The following CNTN4 variants were observed in gnomAD, a reference collection of about 807,000 sequenced individuals.
CNTN4 encodes the protein contactin-4.
CNTN4 carries 77 observed loss-of-function variants against 122.5 expected under a neutral mutation model. That is an observed-to-expected ratio of 0.63 (90% CI 0.52 to 0.76). CNTN4 has a LOEUF of 0.76. Ranked by LOEUF, CNTN4 falls within the 30% of genes least tolerant of loss-of-function variation. The probability of loss-of-function intolerance (pLI) is 0.00; values close to 1 mark genes in which losing one functional copy is unlikely to be tolerated. For missense variants in CNTN4, 1,256 were observed against 1,259.1 expected (o/e 1.00, Z 0.04); for synonymous variants, 512 against 447.0 (o/e 1.15, Z -1.83).
chr3:2,765,615 A>G (rs1396511885), intron 6 of CNTN4, among the ~76,000 whole-genome samples: 2 of 152,174 alleles, frequency 1.3e-5, no homozygotes, highest in African/African-American at 2.4e-5. Flanking sequence ...TGGGATAGCT[A>G]TAATTAGATA....
At chr3:2,289,747 C>T (rs944400065) in intron 2 of CNTN4, among the ~76,000 whole-genome samples, 1 of 152,128 alleles carries the variant, frequency 6.6e-6, no homozygotes, top group South Asian at 2.1e-4. Flanking sequence ...AATTTAGAGG[C>T]TTCTTGCAAC....
At chr3:2,747,192 G>A (rs1003477244) in intron 6 of CNTN4, among the ~76,000 whole-genome samples, 5 of 151,890 alleles carry the variant, frequency 3.3e-5, no homozygotes, top group Admixed American at 6.6e-5. Context: ...GGCGGATCAC[G>A]AGGTCAGGAG....
At position 2,175,211 on chromosome 3, in the gene CNTN4, C is replaced by T. The variant is rs563426889; in HGVS notation, c.-145+74572C>T. On this transcript the variant is annotated intron_variant, in intron 2 of 24. Transcript: ENST00000418658. ...TCACTGTCCTATTTTAGGAAACTTG[C>T]AAATGTTCATTAGTCTCCTAAACCT... Among the ~76,000 whole-genome samples the T allele has an allele frequency of 9.9e-5, 15 of 152,200 alleles. No individual in the cohort carries two copies. In the South Asian group the frequency reaches 3.1e-3, roughly 32 times the overall value.
intron 13 of CNTN4, chr3:2,927,398 C>T (rs1457071698): frequency 2.2e-6 from 1 of 446,188 alleles, no homozygotes; most frequent in Non-Finnish European, 4.5e-6. Flanking sequence ...AAGAGCCAAA[C>T]ATGCATGGGT....
intron 3 of CNTN4, among the ~76,000 whole-genome samples, chr3:2,516,238 G>A (rs1323773102): frequency 6.6e-6 from 1 of 152,004 alleles, no homozygotes; most frequent in Non-Finnish European, 1.5e-5. Context: ...ATAAAACTGA[G>A]TAGATATCCT....
intron 2 of CNTN4, among the ~76,000 whole-genome samples, chr3:2,276,386 C>A (rs2041512231): frequency 6.6e-6 from 1 of 152,024 alleles, no homozygotes; most frequent in Admixed American, 6.6e-5. Context: ...GTTGGCCAGG[C>A]TGGTCTTGAA....
intron 4 of CNTN4, among the ~76,000 whole-genome samples, chr3:2,697,105 T>A (rs928247939): frequency 1.3e-5 from 2 of 152,172 alleles, no homozygotes; most frequent in Non-Finnish European, 2.9e-5. Flanking sequence ...GGGTGACAAA[T>A]TTAGAATTCA....
chr3:2,631,400 C>A (rs6807078), intron 4 of CNTN4, among the ~76,000 whole-genome samples: 1,862 of 152,136 alleles, frequency 0.012, 47 homozygotes, highest in African/African-American at 0.042. Flanking sequence ...AAGAAGAAAG[C>A]AAATTTGACA....
intron 3 of CNTN4, among the ~76,000 whole-genome samples, chr3:2,420,391 T>G (rs1285732885): frequency 1.3e-5 from 2 of 152,166 alleles, no homozygotes; most frequent in African/African-American, 2.4e-5. Flanking sequence ...TGTCAGAGTT[T>G]CTCTGCAGGA....
intron 2 of CNTN4, among the ~76,000 whole-genome samples, chr3:2,136,981 C>T (rs77151254): frequency 6.6e-6 from 1 of 152,130 alleles, no homozygotes; most frequent in Non-Finnish European, 1.5e-5. Flanking sequence ...AAGAAAACAA[C>T]CCACCGTTCT....
chr3:2,353,687 C>T (rs191330712), intron 3 of CNTN4, among the ~76,000 whole-genome samples: 3 of 152,250 alleles, frequency 2.0e-5, no homozygotes, highest in Admixed American at 1.3e-4. Flanking sequence ...TTCTTGAAGT[C>T]AGCGAGACCA....
At chr3:2,352,794 C>T (rs1483121201) in intron 3 of CNTN4, among the ~76,000 whole-genome samples, 1 of 152,220 alleles carries the variant, frequency 6.6e-6, no homozygotes, top group East Asian at 1.9e-4. Context: ...GACTGGTGGG[C>T]AGCAGGGGAT....
At chr3:2,930,604 A>G (rs1390682715) in intron 13 of CNTN4, among the ~76,000 whole-genome samples, 4 of 152,222 alleles carry the variant, frequency 2.6e-5, no homozygotes, top group African/African-American at 9.6e-5. Context: ...CTAATACATT[A>G]TGTCAAGCAA....
chr3:2,214,878 AAG>A (rs1252443634), intron 2 of CNTN4, among the ~76,000 whole-genome samples: 1 of 152,228 alleles, frequency 6.6e-6, no homozygotes, highest in Non-Finnish European at 1.5e-5. Context: ...GTCACTCAAA[AAG>A]AGAAAGTTTT....
At position 2,917,173 on chromosome 3, in the gene CNTN4, C is replaced by T. The variant is rs554258165; in HGVS notation, c.1208-8456C>T. On this transcript the variant is annotated intron_variant, in intron 12 of 24. Transcript: ENST00000418658. ...AAAACCAGTCAGGCGTGGCGGCGCG[C>T]GCCTGCAATCGCAGGCAGTCGGCAG... is the stretch of plus-strand genomic sequence containing the variant. Among the ~76,000 whole-genome samples, 1,480 of 149,922 alleles carry T rather than the reference C, an allele frequency of 9.9e-3. 36 individuals are homozygous for T. The highest frequency in any genetic ancestry group is 0.05 in the Admixed American group (762 of 15,120).
At chr3:2,827,720 C>G (rs114262866) in intron 7 of CNTN4, among the ~76,000 whole-genome samples, 1 of 152,122 alleles carries the variant, frequency 6.6e-6, no homozygotes, top group African/African-American at 2.4e-5. Flanking sequence ...AAGCCAAACC[C>G]TGTGTGATTC....
chr3:2,548,556 C>T (rs1259452263), intron 3 of CNTN4, among the ~76,000 whole-genome samples: 1 of 152,046 alleles, frequency 6.6e-6, no homozygotes, highest in African/African-American at 2.4e-5. Flanking sequence ...TTACCAGTAC[C>T]ATGCTGTTTT....
chr3:2,738,787 G>A (rs957547219), intron 5 of CNTN4, among the ~76,000 whole-genome samples: 1 of 151,890 alleles, frequency 6.6e-6, no homozygotes, highest in Non-Finnish European at 1.5e-5. Context: ...GACCTAAATG[G>A]GAAATTTGCA....
At chr3:2,640,257 T>C (rs2082842793) in intron 4 of CNTN4, among the ~76,000 whole-genome samples, 1 of 152,190 alleles carries the variant, frequency 6.6e-6, no homozygotes, top group African/African-American at 2.4e-5. Flanking sequence ...CACCAACATA[T>C]TATACATGAA....
Sources: allele counts gnomAD v4.1 joint callset (sites outside exome capture counted in the v4.1 genomes callset), GRCh38; gene constraint gnomAD v4.1.1; transcripts MANE v1.5; gene names NCBI Gene and HGNC (gene_info 2026-07-23, HGNC 2026-07-21).